Variants in RCBTB2 observed in about 807,000 individuals in gnomAD.
RCBTB2 encodes RCC1 and BTB domain-containing protein 2.
Under a neutral mutation model 65.4 loss-of-function variants are expected in RCBTB2, and 55 were observed. That is an observed-to-expected ratio of 0.84 (90% CI 0.68 to 1.05). The LOEUF (loss-of-function observed/expected upper bound fraction) is 1.05. Among genes scored for constraint, RCBTB2 ranks in the 50% least tolerant of loss-of-function variants. The probability of loss-of-function intolerance (pLI) is 0.00; values close to 1 mark genes in which losing one functional copy is unlikely to be tolerated. For synonymous variants in RCBTB2, 220 were observed against 255.2 expected (o/e 0.86, Z 1.31); for missense variants, 599 against 680.1 (o/e 0.88, Z 1.33).
Position 48,495,403 on chromosome 13 carries a change from A to C in RCBTB2, c.1515+788T>G, listed in dbSNP as rs376160546. 6.8e-4 allele frequency among the ~76,000 whole-genome samples: 72 copies of C among 106,406 alleles called. No homozygotes were observed. The African/African-American group carries it at 0.015, about 22-fold the overall frequency. 69.8% of individuals were successfully genotyped at this position (106,406 alleles called of 152,430 possible). On this transcript the variant is annotated intron_variant, in intron 14 of 14. Coordinates refer to ENST00000344532, the MANE Select transcript of RCBTB2 (RefSeq NM_001268.4). ...TTTTTCAAAAAATAAAAATAGGATA[A>C]GTTTTTCACTTAGTGATATATCTTG... is the stretch of plus-strand genomic sequence containing the variant.
At chr13:48,534,422 T>G (rs959751998), upstream of RCBTB2, among the ~76,000 whole-genome samples, 1 of 152,202 alleles carries the variant, frequency 6.6e-6, no homozygotes, top group Non-Finnish European at 1.5e-5. Flanking sequence ...ACTTTACAGA[T>G]AAGGCAACTC....
chr13:48,522,441 A>C (rs1167260105), intron 2 of RCBTB2, 38 bp from the exon 3 acceptor site: 2 of 928,498 alleles, frequency 2.2e-6, no homozygotes, highest in Non-Finnish European at 3.3e-6. Flanking sequence ...AAAATGATGA[A>C]AAAAATGAAT....
chr13:48,510,869 G>A (rs1486221947), intron 9 of RCBTB2, 98 bp from the exon 10 acceptor site: 12 of 1,268,026 alleles, frequency 9.5e-6, no homozygotes, highest in Non-Finnish European at 1.3e-5. Context: ...AAAAAAGGAA[G>A]AGGCAGCCTA....
chr13:48,498,235 C>T (rs981026699), intron 13 of RCBTB2, among the ~76,000 whole-genome samples: 3 of 152,218 alleles, frequency 2.0e-5, no homozygotes, highest in African/African-American at 7.2e-5. Context: ...AGTCCTGCAA[C>T]TCTAAATGTC....
At chr13:48,497,654 G>A (rs187239131) in intron 13 of RCBTB2, among the ~76,000 whole-genome samples, 17 of 152,330 alleles carry the variant, frequency 1.1e-4, no homozygotes, top group Admixed American at 9.8e-4. Context: ...ACTTAATAGA[G>A]TGTACGAAGT....
intron 9 of RCBTB2, 111 bp from the exon 10 acceptor site, chr13:48,510,882 C>T (rs778267103): frequency 1.2e-4 from 130 of 1,077,422 alleles, no homozygotes; most frequent in Non-Finnish European, 1.7e-4. Flanking sequence ...GCAGCCTACC[C>T]GTAGGAGAGG....
At chr13:48,512,700 T>C (rs1368887502) in intron 7 of RCBTB2, 29 bp downstream of exon 7, 2 of 1,596,162 alleles carry the variant, frequency 1.3e-6, no homozygotes, top group Non-Finnish European at 8.6e-7. Flanking sequence ...TTGAAAAAAA[T>C]CAATGAGCTT....
chr13:48,489,044 T>A lies in RCBTB2; in HGVS notation c.*1067A>T, dbSNP rs1949597218. On this transcript the variant is annotated 3_prime_UTR_variant, in exon 15 of 15. Transcript: ENST00000344532. ...ATTCTAATTCCAAAAGGGTTTCCTT[T>A]ACATTACATGACATTGTGAGATACA... is the stretch of plus-strand genomic sequence containing the variant. 1 of 152,252 alleles carries A rather than the reference T, an allele frequency of 6.6e-6. No homozygotes were observed. Among genetic ancestry groups the A allele is most frequent in the Non-Finnish European group, 1.5e-5 (1 of 68,038 alleles). The allele number at this position is 152,252 out of a possible 1,614,324, so 9.4% of individuals were successfully genotyped here.
At chr13:48,520,915 T>C (rs867388589) in intron 4 of RCBTB2, among the ~76,000 whole-genome samples, 1 of 141,756 alleles carries the variant, frequency 7.1e-6, no homozygotes, top group South Asian at 2.1e-4. Flanking sequence ...TATATATTCA[T>C]TATATTCATT....
intron 1 of RCBTB2, among the ~76,000 whole-genome samples, chr13:48,527,855 T>C (rs547738543): frequency 2.6e-5 from 4 of 152,354 alleles, no homozygotes; most frequent in African/African-American, 9.6e-5. Flanking sequence ...CTTTTGATAA[T>C]GTGATAAACA....
Position 48,511,787 on chromosome 13 carries a change from C to T in RCBTB2, c.766G>A (p.Gly256Ser). 2 of 1,614,134 alleles carry T rather than the reference C, an allele frequency of 1.2e-6. No homozygotes were observed. Among genetic ancestry groups the T allele is most frequent in the Middle Eastern group, 1.6e-4 (1 of 6,062 alleles). The change falls in exon 9 of 15, where the codon GGC (glycine) becomes AGC (serine). Residue 256 changes from glycine (G) to serine (S), a missense_variant. Gly to Ser is a moderately conservative substitution (Grantham distance 56). Transcript: ENST00000344532. ...GGACGTACCCTCTGGACACGGATGC[C>T]TTGCAAAGCTGCCACTCTGCAAGGG... ...PTPCRVAALQ[G>S]IRVQRVACGY...
intron 13 of RCBTB2, among the ~76,000 whole-genome samples, chr13:48,499,142 ACTCTCTCTCT>A (rs568053175): frequency 7.6e-6 from 1 of 132,290 alleles, no homozygotes; most frequent in African/African-American, 2.9e-5. Context: ...ACACACACAC[ACTCTCTCTCT>A]CTCTCTCTCT....
At chr13:48,508,079 T>C (rs924884799) in intron 10 of RCBTB2, among the ~76,000 whole-genome samples, 1 of 152,218 alleles carries the variant, frequency 6.6e-6, no homozygotes, top group Non-Finnish European at 1.5e-5. Flanking sequence ...TTCCCACTTC[T>C]GTGAACAGGT....
At chr13:48,521,092 G>A (rs761259919) in intron 4 of RCBTB2, among the ~76,000 whole-genome samples, 6 of 152,100 alleles carry the variant, frequency 3.9e-5, no homozygotes, top group Non-Finnish European at 8.8e-5. Flanking sequence ...CTGTTCCTAG[G>A]AAAAATTAGG....
At chr13:48,495,222 T>C (rs78197458) in intron 14 of RCBTB2, among the ~76,000 whole-genome samples, 3,934 of 152,092 alleles carry the variant, frequency 0.026, 158 homozygotes, top group African/African-American at 0.086. Context: ...ATCATAACAA[T>C]ACATGGTCAC....
chr13:48,509,408 G>T (rs912462186), intron 10 of RCBTB2, among the ~76,000 whole-genome samples: 2 of 152,124 alleles, frequency 1.3e-5, no homozygotes, highest in African/African-American at 4.8e-5. Context: ...CTTTAACTCT[G>T]TTTTTCAGTT....
At chr13:48,496,035 A>G (rs1438179939) in intron 14 of RCBTB2, among the ~76,000 whole-genome samples, 156 bp downstream of exon 14, 4 of 152,174 alleles carry the variant, frequency 2.6e-5, no homozygotes, top group Non-Finnish European at 5.9e-5. Context: ...TTATATAAAT[A>G]CTTGCTTATA....
At chr13:48,505,361 T>C (rs2138487644) in intron 10 of RCBTB2, among the ~76,000 whole-genome samples, 3 of 152,352 alleles carry the variant, frequency 2.0e-5, no homozygotes, top group Middle Eastern at 6.8e-3. Context: ...CATGTATTTC[T>C]AGTGATCAAT....
At chr13:48,499,789 C>G in intron 12 of RCBTB2, 29 bp from the exon 13 acceptor site, 1 of 1,613,394 alleles carries the variant, frequency 6.2e-7, no homozygotes. Context: ...ATGTCAGGTC[C>G]TAGCTTCCCA....
Sources: gnomAD v4.1 joint callset for allele counts (sites outside exome capture counted in the v4.1 genomes callset) on GRCh38, gnomAD v4.1.1 for gene constraint, MANE v1.5 for transcripts, NCBI Gene and HGNC (gene_info 2026-07-23, HGNC 2026-07-21) for gene names.